ATRNL1: variants seen among roughly 807,000 people sequenced by gnomAD.
The protein encoded by ATRNL1 is attractin-like protein 1.
Under a neutral mutation model 182.7 loss-of-function variants are expected in ATRNL1, and 95 were observed. The ratio of observed to expected loss-of-function variants is 0.52; its 90% CI spans 0.44 to 0.62. The LOEUF (loss-of-function observed/expected upper bound fraction) is 0.62, where lower values mean the gene tolerates loss of function less well. Ranked by LOEUF, ATRNL1 falls within the 20% of genes least tolerant of loss-of-function variation. ATRNL1 has a pLI of 0.00. For missense variants in ATRNL1, 1,471 were observed against 1,679.5 expected (o/e 0.88, Z 2.17); for synonymous variants, 576 against 568.3 (o/e 1.01, Z -0.19).
chr10:115,107,516 A>G (rs1554866347), intron 1 of ATRNL1, among the ~76,000 whole-genome samples: 2 of 152,092 alleles, frequency 1.3e-5, no homozygotes, highest in Admixed American at 6.5e-5. Flanking sequence ...GAGCCTACAT[A>G]GCAGCTCTCA....
intron 18 of ATRNL1, among the ~76,000 whole-genome samples, chr10:115,324,630 T>C (rs1333558886): frequency 1.3e-5 from 2 of 152,262 alleles, no homozygotes; most frequent in Non-Finnish European, 2.9e-5. Flanking sequence ...CCACAAGTTA[T>C]GTTTTTCTTT....
intron 8 of ATRNL1, among the ~76,000 whole-genome samples, chr10:115,197,272 A>G (rs1848398106): frequency 6.6e-6 from 1 of 152,004 alleles, no homozygotes; most frequent in Admixed American, 6.6e-5. Flanking sequence ...GCTGAATTTC[A>G]TTTGCTAAAA....
intron 20 of ATRNL1, among the ~76,000 whole-genome samples, chr10:115,419,256 G>C (rs1845545308): frequency 6.6e-6 from 1 of 151,940 alleles, no homozygotes; most frequent in Non-Finnish European, 1.5e-5. Context: ...TGAGTCTCAT[G>C]GTAATGAAAA....
intron 27 of ATRNL1, among the ~76,000 whole-genome samples, chr10:115,821,394 G>A (rs1194879146): frequency 1.3e-5 from 2 of 152,006 alleles, no homozygotes; most frequent in East Asian, 3.9e-4. Context: ...GCGGTGGTTG[G>A]TACTGGTTTT....
intron 25 of ATRNL1, among the ~76,000 whole-genome samples, chr10:115,546,399 C>T (rs1316610058): frequency 1.3e-5 from 2 of 151,786 alleles, no homozygotes; most frequent in African/African-American, 4.8e-5. Context: ...CCCGTCTCTA[C>T]TAAAAATACA....
chr10:115,500,880 TTG>T (rs1849794741), intron 24 of ATRNL1, among the ~76,000 whole-genome samples: 1 of 151,212 alleles, frequency 6.6e-6, no homozygotes, highest in Non-Finnish European at 1.5e-5. Flanking sequence ...TAAATTGGCT[TTG>T]ATGGAACTTT....
intron 24 of ATRNL1, among the ~76,000 whole-genome samples, chr10:115,518,092 A>C (rs1850730461): frequency 1.3e-5 from 2 of 151,958 alleles, no homozygotes; most frequent in Admixed American, 1.3e-4. Flanking sequence ...TTTACATAAG[A>C]AATACTGACA....
chr10:115,923,873 G>C (rs1276354403), intron 28 of ATRNL1, among the ~76,000 whole-genome samples: 2 of 152,222 alleles, frequency 1.3e-5, no homozygotes, highest in Admixed American at 6.5e-5. Flanking sequence ...CCCACCAACA[G>C]TGTAAAAGCG....
At chr10:115,153,477 A>C (rs1322453796) in intron 5 of ATRNL1, among the ~76,000 whole-genome samples, 1 of 152,134 alleles carries the variant, frequency 6.6e-6, no homozygotes, top group African/African-American at 2.4e-5. Context: ...CATTTCTTCT[A>C]GATTTTCTAG....
At chr10:115,353,287 T>C (rs1856351231) in intron 19 of ATRNL1, among the ~76,000 whole-genome samples, 1 of 152,218 alleles carries the variant, frequency 6.6e-6, no homozygotes, top group African/African-American at 2.4e-5. Flanking sequence ...TTAATATTCT[T>C]TGGCTGAATT....
intron 17 of ATRNL1, among the ~76,000 whole-genome samples, chr10:115,315,290 C>A (rs1298848252): frequency 6.6e-6 from 1 of 152,156 alleles, no homozygotes; most frequent in African/African-American, 2.4e-5. Context: ...GTTAACCACA[C>A]CTTTTTTCAC....
At chr10:115,757,337 C>A (rs534760591) in intron 27 of ATRNL1, among the ~76,000 whole-genome samples, 15 of 152,226 alleles carry the variant, frequency 9.9e-5, no homozygotes, top group African/African-American at 3.4e-4. Flanking sequence ...TTCAGGAGCT[C>A]TTGTAAGGTA....
intron 26 of ATRNL1, among the ~76,000 whole-genome samples, chr10:115,589,678 A>T (rs1209653675): frequency 6.6e-6 from 1 of 152,186 alleles, no homozygotes; most frequent in Non-Finnish European, 1.5e-5. Context: ...AATAATTTTT[A>T]ACAAAAATTT....
chr10:115,240,534 G>A (rs1038228459), intron 9 of ATRNL1, among the ~76,000 whole-genome samples: 5 of 152,024 alleles, frequency 3.3e-5, no homozygotes, highest in South Asian at 4.1e-4. Context: ...AGTTACAGGC[G>A]TGAGACAACA....
intron 28 of ATRNL1, among the ~76,000 whole-genome samples, chr10:115,861,703 G>A (rs1463384874): frequency 1.3e-5 from 2 of 152,008 alleles, no homozygotes; most frequent in African/African-American, 4.8e-5. Flanking sequence ...TAACAAATTT[G>A]TTTCGGTCTT....
chr10:115,400,329 T>C (rs1277125803), intron 20 of ATRNL1, among the ~76,000 whole-genome samples: 3 of 152,152 alleles, frequency 2.0e-5, no homozygotes, highest in African/African-American at 7.2e-5. Context: ...ATTTCAGTTC[T>C]TTTGCATTTC....
chr10:115,496,473 T>G (rs1201580673), intron 24 of ATRNL1, among the ~76,000 whole-genome samples: 1 of 152,186 alleles, frequency 6.6e-6, no homozygotes, highest in Non-Finnish European at 1.5e-5. Context: ...GAAAGCTTTT[T>G]CTCTATATAT....
chr10:115,890,160 C>G (rs1408218641), intron 28 of ATRNL1, among the ~76,000 whole-genome samples: 4 of 152,148 alleles, frequency 2.6e-5, no homozygotes, highest in African/African-American at 9.7e-5. Context: ...CAGAGAAGCC[C>G]TCGTAAGCCT....
At chr10:115,605,634 A>T (rs984148104) in intron 26 of ATRNL1, among the ~76,000 whole-genome samples, 1 of 152,038 alleles carries the variant, frequency 6.6e-6, no homozygotes, top group East Asian at 1.9e-4. Flanking sequence ...TGTAAGTCAA[A>T]GATCATCTTG....
Sources: allele counts gnomAD v4.1 joint callset (sites outside exome capture counted in the v4.1 genomes callset), GRCh38; gene constraint gnomAD v4.1.1; transcripts MANE v1.5; gene names NCBI Gene and HGNC (gene_info 2026-07-23, HGNC 2026-07-21).